The following MTMR2 variants were observed in gnomAD, a reference collection of about 807,000 sequenced individuals.
The protein encoded by MTMR2 is phosphatidylinositol-3,5-bisphosphate 3-phosphatase MTMR2.
A neutral mutation model predicts 86.9 loss-of-function variants in MTMR2; 55 were observed. That is an observed-to-expected ratio of 0.63 (90% CI 0.51 to 0.79). MTMR2 has a LOEUF of 0.79. MTMR2 is among the 30% of genes least tolerant of loss of function. The pLI is 0.00. For synonymous variants in MTMR2, 241 were observed against 266.8 expected, an observed-to-expected ratio of 0.90 and a Z score of 0.94; for missense variants, 659 against 772.3, an observed-to-expected ratio of 0.85 and a Z score of 1.74.
rs201996397 is a variant in MTMR2 at position 95,836,344 on chromosome 11, G to T, written c.1594-20C>A. The T allele has an allele frequency of 1.7e-4, 262 of 1,584,904 alleles. 1 individual carries two copies. In the Middle Eastern group the frequency reaches 3.3e-3, roughly 20 times the overall value. ...AAGATTCTGTAGGCAGGAAAAATAG[G>T]TAAAGATTCTCCACCACATAAGCCA... On this transcript the variant is annotated intron_variant, in intron 13 of 14. Transcript: ENST00000346299.
At chr11:95,880,800 G>A (rs1254019492) in intron 2 of MTMR2, among the ~76,000 whole-genome samples, 1 of 151,852 alleles carries the variant, frequency 6.6e-6, no homozygotes, top group Non-Finnish European at 1.5e-5. Context: ...TTATTAATTT[G>A]TAGATGTTCT....
intron 2 of MTMR2, among the ~76,000 whole-genome samples, chr11:95,869,926 GA>G (rs1260861068): frequency 2.0e-5 from 3 of 152,178 alleles, no homozygotes; most frequent in African/African-American, 7.2e-5. Context: ...GGGGCATGAT[GA>G]AAGTATCTGG....
At chr11:95,914,532 A>T (rs1305014968) in intron 1 of MTMR2, among the ~76,000 whole-genome samples, 2 of 152,162 alleles carry the variant, frequency 1.3e-5, no homozygotes, top group Non-Finnish European at 2.9e-5. Flanking sequence ...TAATGAATGA[A>T]ATGATACTAT....
chr11:95,890,684 T>G (rs966483723), intron 1 of MTMR2, among the ~76,000 whole-genome samples: 6 of 152,180 alleles, frequency 3.9e-5, no homozygotes, highest in African/African-American at 1.4e-4. Flanking sequence ...AAGAATAGGA[T>G]GAGCATAGGT....
At chr11:95,885,979 C>T (rs1865499697) in intron 2 of MTMR2, among the ~76,000 whole-genome samples, 1 of 152,108 alleles carries the variant, frequency 6.6e-6, no homozygotes, top group African/African-American at 2.4e-5. Context: ...TAAAATGTCA[C>T]ATGGTCTATA....
rs773707809 is a variant in MTMR2 at position 95,847,829 on chromosome 11, T to C, written c.1064A>G (p.Asn355Ser). ...TAATGATTCTCTCATAACATGAATA[T>C]TGTGGATATCCAGGAAAACTAGTTC... ...NAELVFLDIH[N>S]IHVMRESLRK... The change falls in exon 10 of 15, where the codon AAT (asparagine) becomes AGT (serine). Residue 355 changes from asparagine (N) to serine (S), a missense_variant. Transcript: ENST00000346299. 6.2e-6 allele frequency: 10 copies of C among 1,613,796 alleles called. No individual in the cohort carries two copies. Among genetic ancestry groups the C allele is most frequent in the Non-Finnish European group, 6.8e-6 (8 of 1,179,752 alleles).
intron 1 of MTMR2, chr11:95,907,852 A>C: frequency 2.3e-6 from 1 of 442,108 alleles, no homozygotes; most frequent in Admixed American, 2.5e-5. Flanking sequence ...TAGGCATTGA[A>C]GGAACATACC....
intron 5 of MTMR2, among the ~76,000 whole-genome samples, chr11:95,859,327 A>C (rs1864320016): frequency 1.3e-5 from 2 of 152,220 alleles, no homozygotes; most frequent in African/African-American, 4.8e-5. Flanking sequence ...TTTGTCCCTA[A>C]GCAGTTTTCT....
At chr11:95,839,706 TCATAA>T (rs1204180927) in intron 12 of MTMR2, among the ~76,000 whole-genome samples, 7 of 152,180 alleles carry the variant, frequency 4.6e-5, no homozygotes, top group Admixed American at 3.9e-4. Context: ...AATCTGGCTG[TCATAA>T]CATAGTTGGT....
At chr11:95,872,164 A>C (rs2135504502) in intron 2 of MTMR2, among the ~76,000 whole-genome samples, 1 of 152,278 alleles carries the variant, frequency 6.6e-6, no homozygotes, top group African/African-American at 2.4e-5. Flanking sequence ...GAAGAAAGTC[A>C]TTGGCAGCTT....
intron 7 of MTMR2, among the ~76,000 whole-genome samples, chr11:95,857,167 A>C (rs1351419080): frequency 6.6e-6 from 1 of 152,160 alleles, no homozygotes; most frequent in Non-Finnish European, 1.5e-5. Flanking sequence ...ATTTAAATAC[A>C]AAAGTAAAAG....
chr11:95,904,781 C>T (rs1167765078), intron 1 of MTMR2, among the ~76,000 whole-genome samples: 3 of 152,206 alleles, frequency 2.0e-5, no homozygotes, highest in Non-Finnish European at 4.4e-5. Context: ...CTTGCTTTCA[C>T]TTTACTCTAT....
intron 3 of MTMR2, among the ~76,000 whole-genome samples, chr11:95,862,999 CA>C (rs1864481922): frequency 6.6e-6 from 1 of 152,050 alleles, no homozygotes; most frequent in Non-Finnish European, 1.5e-5. Context: ...AATGTTTTAT[CA>C]AATAAACAAT....
chr11:95,876,523 AGCTCTGGCCAC>A (rs1270883278), intron 2 of MTMR2, among the ~76,000 whole-genome samples: 1 of 152,146 alleles, frequency 6.6e-6, no homozygotes, highest in Non-Finnish European at 1.5e-5. Flanking sequence ...CTGACTCTGG[AGCTCTGGCCAC>A]ATCAATAGGT....
At chr11:95,874,529 G>A (rs1345375065) in intron 2 of MTMR2, among the ~76,000 whole-genome samples, 1 of 152,078 alleles carries the variant, frequency 6.6e-6, no homozygotes, top group Non-Finnish European at 1.5e-5. Context: ...GCACACTGAT[G>A]GGTCTTGACT....
At chr11:95,914,113 G>A (rs1177727485) in intron 1 of MTMR2, 3 of 841,492 alleles carry the variant, frequency 3.6e-6, no homozygotes, top group East Asian at 1.2e-4. Context: ...CTTGGAAATG[G>A]AACTGAAGTT....
intron 1 of MTMR2, among the ~76,000 whole-genome samples, chr11:95,896,446 G>A (rs1171356480): frequency 6.6e-6 from 1 of 151,738 alleles, no homozygotes; most frequent in East Asian, 1.9e-4. Flanking sequence ...CTCCCAAGAA[G>A]CTAGAATTAC....
rs145020140 is a variant in MTMR2 at position 95,911,297 on chromosome 11, C to A, written c.80+12578G>T. ...ATTAATTACATTTCCCAAAATATAA[C>A]ACAGGCATATGATTTCATAATGCAG... On this transcript the variant is annotated intron_variant, in intron 1 of 14. Transcript: ENST00000346299. Among the ~76,000 whole-genome samples, 243 of 152,216 alleles carry A rather than the reference C, an allele frequency of 1.6e-3. 2 individuals are homozygous for A. Among genetic ancestry groups the A allele is most frequent in the African/African-American group, 5.4e-3 (224 of 41,530 alleles).
At chr11:95,892,613 G>A (rs1244822264) in intron 1 of MTMR2, among the ~76,000 whole-genome samples, 1 of 152,146 alleles carries the variant, frequency 6.6e-6, no homozygotes, top group Non-Finnish European at 1.5e-5. Flanking sequence ...CTTCATCTCA[G>A]TCCATCCAAA....
Sources: gnomAD v4.1 joint callset for allele counts (sites outside exome capture counted in the v4.1 genomes callset) on GRCh38, gnomAD v4.1.1 for gene constraint, MANE v1.5 for transcripts, NCBI Gene and HGNC (gene_info 2026-07-23, HGNC 2026-07-21) for gene names.